The following SNX25 variants were observed in gnomAD, a reference collection of about 807,000 sequenced individuals.
SNX25 encodes the protein sorting nexin-25.
SNX25 carries 62 observed loss-of-function variants against 113.7 expected under a neutral mutation model. The observed-to-expected ratio is 0.55, with a 90% CI of 0.44 to 0.67. The LOEUF (loss-of-function observed/expected upper bound fraction) is 0.67, where lower values mean the gene tolerates loss of function less well. SNX25 is among the 30% of genes least tolerant of loss of function. SNX25 has a pLI of 0.00. For synonymous variants in SNX25, 421 were observed against 436.2 expected, an observed-to-expected ratio of 0.97 and a Z score of 0.43; for missense variants, 1,014 against 1,161.0, an observed-to-expected ratio of 0.87 and a Z score of 1.84.
In SNX25 at chr4:185,310,915, G is replaced by A. The variant is rs558854201; in HGVS notation, c.1344+99G>A. The A allele has an allele frequency of 1.1e-4, 131 of 1,173,166 alleles. No homozygotes were observed. In the Admixed American group the frequency reaches 2.4e-3, roughly 22 times the overall value. The allele number at this position is 1,173,166 out of a possible 1,614,324, so 72.7% of individuals were successfully genotyped here. A position where few individuals can be genotyped will look rare whatever the true frequency, so the allele number is the denominator to read the frequency against. On this transcript the variant is annotated intron_variant, in intron 7 of 18. Coordinates refer to ENST00000652585, the MANE Select transcript of SNX25 (RefSeq NM_001378034.2). ...TTTCAACTTTTTAGTATTGAACTTA[G>A]ACATGTGTGCCATAACTACACACTG...
At chr4:185,337,198 C>G (rs952335522) in intron 10 of SNX25, among the ~76,000 whole-genome samples, 7 of 152,134 alleles carry the variant, frequency 4.6e-5, no homozygotes, top group African/African-American at 1.7e-4. Flanking sequence ...ATCACCAGAA[C>G]TTTTCTCATC....
At chr4:185,249,617 C>T (rs2126492784) in intron 2 of SNX25, among the ~76,000 whole-genome samples, 1 of 152,126 alleles carries the variant, frequency 6.6e-6, no homozygotes, top group Admixed American at 6.5e-5. Flanking sequence ...GTCCAATTTA[C>T]CAATCTTTTT....
At chr4:185,271,330 C>T (rs981380268) in intron 5 of SNX25, among the ~76,000 whole-genome samples, 1 of 152,108 alleles carries the variant, frequency 6.6e-6, no homozygotes, top group African/African-American at 2.4e-5. Context: ...TAGGTTGCAT[C>T]CTTTTATAAG....
At chr4:185,244,649 ATT>A (rs754248673) in intron 1 of SNX25, among the ~76,000 whole-genome samples, 35 of 152,216 alleles carry the variant, frequency 2.3e-4, no homozygotes, top group Non-Finnish European at 3.2e-4. Flanking sequence ...TCTTTTATGC[ATT>A]AAATGTCTTT....
intron 5 of SNX25, among the ~76,000 whole-genome samples, chr4:185,273,673 C>T (rs1325341861): frequency 2.0e-5 from 3 of 152,144 alleles, no homozygotes; most frequent in African/African-American, 7.2e-5. Flanking sequence ...CTTCCAATCT[C>T]CCTCCCACCT....
rs546301766 is a variant in SNX25 at position 185,239,377 on chromosome 4, GGA to G, written c.430-7915_430-7914del. 1.4e-3 allele frequency among the ~76,000 whole-genome samples: 217 copies of G among 152,224 alleles called. 1 individual carries two copies. Among genetic ancestry groups the G allele is most frequent in the African/African-American group, 5.1e-3 (210 of 41,528 alleles). ...GGGCACCTGTAGTCCCAGCTACTCG[GGA>G]GGCTGAGGCAGGAGAATGGCTTGAA... On this transcript the variant is annotated intron_variant, in intron 1 of 18. Transcript: ENST00000652585.
chr4:185,220,940 C>A (rs142592716), intron 1 of SNX25, among the ~76,000 whole-genome samples: 1 of 152,192 alleles, frequency 6.6e-6, no homozygotes, highest in Non-Finnish European at 1.5e-5. Context: ...CATGGCTCAC[C>A]GCAGCATCAG....
At position 185,310,792 on chromosome 4, in the gene SNX25, G is replaced by A. The variant is rs776678890; in HGVS notation, c.1320G>A (p.Glu440=). Residue 440 remains glutamate, a synonymous_variant, in exon 7 of 19, where the codon GAG becomes GAA. Transcript: ENST00000652585. ...YDQQEDGALD[E]GEGPQSQKIL... The stretch of plus-strand genomic sequence containing the variant: ...AGCAAGAGGATGGGGCCCTGGATGA[G>A]GGGGAAGGGCCTCAAAGCCAGAAGG... The A allele has an allele frequency of 5.0e-6, 8 of 1,612,226 alleles. No homozygotes were observed. Among genetic ancestry groups the A allele is most frequent in the African/African-American group, 1.3e-5 (1 of 75,006 alleles).
intron 15 of SNX25, among the ~76,000 whole-genome samples, chr4:185,355,151 TCTA>T (rs1337166322): frequency 1.3e-5 from 2 of 152,238 alleles, no homozygotes; most frequent in African/African-American, 4.8e-5. Context: ...ATCCTCAGTA[TCTA>T]CTACAATGCC....
chr4:185,302,949 A>G (rs1270853095), intron 6 of SNX25, among the ~76,000 whole-genome samples: 1 of 152,094 alleles, frequency 6.6e-6, no homozygotes, highest in Non-Finnish European at 1.5e-5. Context: ...CATTGCACTC[A>G]CTATAGTCTC....
At chr4:185,221,795 C>T (rs1160729290) in intron 1 of SNX25, among the ~76,000 whole-genome samples, 1 of 150,268 alleles carries the variant, frequency 6.7e-6, no homozygotes, top group Non-Finnish European at 1.5e-5. Flanking sequence ...ATATTGTTCT[C>T]CTGCCTTGAG....
intron 7 of SNX25, among the ~76,000 whole-genome samples, chr4:185,315,025 G>A (rs1270818536): frequency 2.6e-5 from 4 of 151,038 alleles, no homozygotes; most frequent in Non-Finnish European, 5.9e-5. Context: ...TCAGGAGATC[G>A]AGACCATCCT....
At chr4:185,371,339 A>T (rs538093975), downstream of SNX25, among the ~76,000 whole-genome samples, 142 of 152,180 alleles carry the variant, frequency 9.3e-4, 1 homozygote, top group African/African-American at 3.2e-3. Context: ...GGAGATTGAG[A>T]CCATCCTGGC....
intron 7 of SNX25, among the ~76,000 whole-genome samples, chr4:185,311,042 CGT>C (rs899057305): frequency 6.6e-6 from 1 of 151,774 alleles, no homozygotes; most frequent in African/African-American, 2.4e-5. Context: ...TGTGTGTGTG[CGT>C]GTGTGGATAT....
Position 185,363,576 on chromosome 4 carries a change from T to TA in SNX25, c.*112dup, listed in dbSNP as rs1452347794. 1.1e-6 allele frequency: 1 copy of TA among 940,592 alleles called. No individual in the cohort carries two copies. Among genetic ancestry groups the TA allele is most frequent in the Non-Finnish European group, 1.6e-6 (1 of 610,726 alleles). The allele number at this position is 940,592 out of a possible 1,614,324, so 58.3% of individuals were successfully genotyped here. On this transcript the variant is annotated 3_prime_UTR_variant, in exon 19 of 19. Transcript: ENST00000652585. This position sits in a 1 kb window ranked among gnomAD's most constrained non-coding sequence, Gnocchi z 4.2. ...GAACCGTATTGATTTTTATTTTAGTTACCTCCCTCTAGTTTTATGTGAAAT... is the reference window on the plus strand; with the variant it reads ...GAACCGTATTGATTTTTATTTTAGTTAACCTCCCTCTAGTTTTATGTGAAAT...
chr4:185,262,295 C>T (rs537535678), intron 3 of SNX25, among the ~76,000 whole-genome samples: 1 of 152,334 alleles, frequency 6.6e-6, no homozygotes, highest in Admixed American at 6.5e-5. Flanking sequence ...TTAATTCTTG[C>T]CTCTGCTTCC....
At chr4:185,364,189 A>G (rs1343800676), downstream of SNX25, 2 of 152,226 alleles carry the variant, frequency 1.3e-5, no homozygotes, top group East Asian at 3.8e-4. Context: ...GAAGTGAGGC[A>G]TTAGGGAGGA....
the SNX25 span, chr4:185,378,051 C>T: frequency 9.0e-6 from 14 of 1,561,146 alleles, no homozygotes; most frequent in East Asian, 2.9e-4. Context: ...AAGTGTTTTC[C>T]AAGGGAAGCT....
At chr4:185,362,357 C>G (rs981571559) in intron 17 of SNX25, 1 of 983,844 alleles carries the variant, frequency 1.0e-6, no homozygotes, top group African/African-American at 1.7e-5. Flanking sequence ...GTTTTGAGAG[C>G]TTAATTTTTA....
Sources: allele counts gnomAD v4.1 joint callset (sites outside exome capture counted in the v4.1 genomes callset), GRCh38; gene constraint gnomAD v4.1.1; non-coding constraint Gnocchi (gnomAD v3.1); transcripts MANE v1.5; gene names NCBI Gene and HGNC (gene_info 2026-07-23, HGNC 2026-07-21).